Variants in CREB5 observed in about 807,000 individuals in gnomAD.
CREB5 encodes cAMP responsive element binding protein 5, also known as cyclic AMP-responsive element-binding protein 5.
Under a neutral mutation model 57.1 loss-of-function variants are expected in CREB5, and 19 were observed. That is an observed-to-expected ratio of 0.33 (90% CI 0.23 to 0.49). The LOEUF (loss-of-function observed/expected upper bound fraction) is 0.49, where lower values mean the gene tolerates loss of function less well. CREB5 is among the 20% of genes least tolerant of loss of function. The probability of loss-of-function intolerance (pLI) is 0.99; values close to 1 mark genes in which losing one functional copy is unlikely to be tolerated. For missense variants in CREB5, 579 were observed against 671.6 expected (o/e 0.86, Z 1.52); for synonymous variants, 238 against 238.3 (o/e 1.00, Z 0.01).
In CREB5 at chr7:28,585,365, G is replaced by A. The variant is rs1438155399; in HGVS notation, c.464+14828G>A. 2.6e-5 allele frequency among the ~76,000 whole-genome samples: 4 copies of A among 152,192 alleles called. 1 individual carries two copies. Among genetic ancestry groups the A allele is most frequent in the Admixed American group, 2.0e-4 (3 of 15,276 alleles). On this transcript the variant is annotated intron_variant, in intron 5 of 10. Transcript: ENST00000357727. ...TACCTGGGGAAGGAGAGCCCAGGGT[G>A]GGCCTTGTTTTTCCGTGTGTGTGTT... is the stretch of plus-strand genomic sequence containing the variant.
At chr7:28,320,260 C>T (rs1202310212) in intron 1 of CREB5, among the ~76,000 whole-genome samples, 1 of 152,098 alleles carries the variant, frequency 6.6e-6, no homozygotes, top group East Asian at 1.9e-4. Context: ...TAACACCAAT[C>T]CCATGTAGTC....
chr7:28,516,673 T>C (rs1792973412), intron 4 of CREB5, among the ~76,000 whole-genome samples: 2 of 152,154 alleles, frequency 1.3e-5, no homozygotes, highest in Admixed American at 1.3e-4. Flanking sequence ...AGCTCCGCCT[T>C]AAGGTCTGGG....
chr7:28,687,898 T>G (rs1011990760), intron 5 of CREB5, among the ~76,000 whole-genome samples: 2 of 152,126 alleles, frequency 1.3e-5, no homozygotes, highest in African/African-American at 4.8e-5. Context: ...TGGGCACTAC[T>G]CTAAAGAGCA....
At chr7:28,554,831 T>C (rs1334278478) in intron 4 of CREB5, among the ~76,000 whole-genome samples, 2 of 152,224 alleles carry the variant, frequency 1.3e-5, no homozygotes, top group African/African-American at 4.8e-5. Context: ...TATGTGAATC[T>C]AGACTGTTCA....
chr7:28,722,075 G>C (rs755372649), intron 6 of CREB5, among the ~76,000 whole-genome samples: 2 of 152,174 alleles, frequency 1.3e-5, no homozygotes, highest in Non-Finnish European at 2.9e-5. Flanking sequence ...TTGACTCTAG[G>C]TCTATAAGAC....
intron 1 of CREB5, among the ~76,000 whole-genome samples, chr7:28,426,577 G>A (rs1788520079): frequency 6.6e-6 from 1 of 152,160 alleles, no homozygotes; most frequent in African/African-American, 2.4e-5. Flanking sequence ...ACACACACGT[G>A]CACACATTCA....
intron 4 of CREB5, among the ~76,000 whole-genome samples, chr7:28,520,862 G>T (rs1793176132): frequency 6.6e-6 from 1 of 152,240 alleles, no homozygotes; most frequent in Admixed American, 6.5e-5. Flanking sequence ...TAGACAGGCT[G>T]GTTGAGGGCT....
At chr7:28,367,667 G>T (rs1786615530) in intron 1 of CREB5, among the ~76,000 whole-genome samples, 1 of 152,130 alleles carries the variant, frequency 6.6e-6, no homozygotes, top group South Asian at 2.1e-4. Context: ...AATTAGCCAG[G>T]CGTGGCAGCG....
At chr7:28,413,244 A>G (rs1787880387) in intron 1 of CREB5, among the ~76,000 whole-genome samples, 2 of 152,068 alleles carry the variant, frequency 1.3e-5, no homozygotes, top group South Asian at 2.1e-4. Context: ...GTGAGGTTTC[A>G]TGAATCACTT....
intron 5 of CREB5, among the ~76,000 whole-genome samples, chr7:28,614,127 T>A (rs1313758476): frequency 6.6e-6 from 1 of 152,086 alleles, no homozygotes; most frequent in African/African-American, 2.4e-5. Flanking sequence ...ACCCAGCTAA[T>A]TTTTTGTATG....
rs74219241 is a variant in CREB5 at position 28,560,945 on chromosome 7, T to TGCGTGCGCGC, written c.292-9419_292-9418insCGTGCGCGCG. Among the ~76,000 whole-genome samples the TGCGTGCGCGC allele has an allele frequency of 1.6e-3, 39 of 23,766 alleles. 2 individuals are homozygous for TGCGTGCGCGC. The highest frequency in any genetic ancestry group is 3.1e-3 in the Admixed American group (6 of 1,938). 15.6% of individuals were successfully genotyped at this position (23,766 alleles called of 152,430 possible). ...GTGCGCGTGCGTGTGTGCGTGCGTG[T>TGCGTGCGCGC]GTGTGCGTGTGTGTGCGTGTGTGTG... On this transcript the variant is annotated intron_variant, in intron 4 of 10. Coordinates refer to ENST00000357727, the MANE Select transcript of CREB5 (RefSeq NM_182898.4).
intron 5 of CREB5, among the ~76,000 whole-genome samples, chr7:28,665,792 T>C (rs750847235): frequency 1.1e-4 from 17 of 152,042 alleles, no homozygotes; most frequent in Non-Finnish European, 2.1e-4. Context: ...GGTGGGAGGA[T>C]TGCTTGAGCC....
chr7:28,583,648 G>A (rs961776843), intron 5 of CREB5, among the ~76,000 whole-genome samples: 37 of 152,116 alleles, frequency 2.4e-4, no homozygotes, highest in African/African-American at 8.4e-4. Flanking sequence ...GGGCAGAGCC[G>A]CCTGTGCTTC....
At chr7:28,630,824 A>G (rs1317296503) in intron 5 of CREB5, among the ~76,000 whole-genome samples, 1 of 152,164 alleles carries the variant, frequency 6.6e-6, no homozygotes, top group Non-Finnish European at 1.5e-5. Flanking sequence ...CAGAAGACAT[A>G]TGTTTATAGA....
intron 7 of CREB5, among the ~76,000 whole-genome samples, chr7:28,751,518 G>A (rs1272738055): frequency 1.3e-5 from 2 of 152,204 alleles, no homozygotes; most frequent in Non-Finnish European, 2.9e-5. Flanking sequence ...AGGATCCAGT[G>A]CCTTCCAGAG....
chr7:28,506,729 A>T (rs776951520), intron 3 of CREB5, among the ~76,000 whole-genome samples: 2 of 152,244 alleles, frequency 1.3e-5, no homozygotes, highest in Non-Finnish European at 2.9e-5. Flanking sequence ...TCACCAAGGA[A>T]GATGATTGCA....
At chr7:28,808,386 C>G (rs772551575) in intron 8 of CREB5, among the ~76,000 whole-genome samples, 33 of 152,198 alleles carry the variant, frequency 2.2e-4, no homozygotes, top group Non-Finnish European at 3.7e-4. Context: ...ATGTTAGGAA[C>G]ACAATTTTAC....
At chr7:28,510,340 C>T (rs1792656045) in intron 4 of CREB5, among the ~76,000 whole-genome samples, 1 of 152,182 alleles carries the variant, frequency 6.6e-6, no homozygotes, top group Non-Finnish European at 1.5e-5. Flanking sequence ...AATTCTACAT[C>T]TCTAGTTGTC....
chr7:28,636,373 G>A (rs1798417937), intron 5 of CREB5, among the ~76,000 whole-genome samples: 1 of 152,138 alleles, frequency 6.6e-6, no homozygotes, highest in South Asian at 2.1e-4. Flanking sequence ...AAGATTGGCA[G>A]GGATTATCAA....
Sources: gnomAD v4.1 joint callset for allele counts (sites outside exome capture counted in the v4.1 genomes callset) on GRCh38, gnomAD v4.1.1 for gene constraint, MANE v1.5 for transcripts, NCBI Gene and HGNC (gene_info 2026-07-23, HGNC 2026-07-21) for gene names.